Variants in NCOR2 observed in about 807,000 individuals in gnomAD.
The protein encoded by NCOR2 is nuclear receptor corepressor 2.
A neutral mutation model predicts 262.9 loss-of-function variants in NCOR2; 81 were observed. That is an observed-to-expected ratio of 0.31 (90% CI 0.26 to 0.37). NCOR2 has a LOEUF of 0.37. Ranked by LOEUF, NCOR2 falls within the 10% of genes least tolerant of loss-of-function variation. The pLI is 1.00. For synonymous variants in NCOR2, 1,659 were observed against 1,559.3 expected (o/e 1.06, Z -1.51); for missense variants, 3,385 against 3,621.4 (o/e 0.93, Z 1.68).
intron 4 of NCOR2, 85 bp from the exon 7 acceptor site, chr12:124,466,371 T>C: frequency 7.8e-7 from 1 of 1,282,914 alleles, no homozygotes; most frequent in East Asian, 2.5e-5. Flanking sequence ...GGAGGCCCCC[T>C]TGCAGCCCGG....
chr12:124,357,931 ATG>A (rs541876786), intron 22 of NCOR2, among the ~76,000 whole-genome samples: 321 of 114,242 alleles, frequency 2.8e-3, no homozygotes, highest in African/African-American at 0.01. Flanking sequence ...ACGTGCGTGC[ATG>A]TGTGTGTGAG....
exon 13 of NCOR2, chr12:124,419,969 G>C (rs776300262): frequency 6.2e-7 from 1 of 1,613,906 alleles, no homozygotes; most frequent in Non-Finnish European, 8.5e-7. Context: ...GGCTCTTGCC[G>C]CGGCGCCGAT....
intron 1 of NCOR2, among the ~76,000 whole-genome samples, chr12:124,516,457 A>G (rs58179607): frequency 0.091 from 13,865 of 152,240 alleles, 700 homozygotes; most frequent in African/African-American, 0.14. Context: ...CATTATCTGG[A>G]CCCAGGTTTC....
chr12:124,456,789 G>T (rs1318349696), intron 6 of NCOR2, among the ~76,000 whole-genome samples: 1 of 152,192 alleles, frequency 6.6e-6, no homozygotes, highest in Admixed American at 6.5e-5. Context: ...TGGAGCAAGC[G>T]CACCGGCCTA....
chr12:124,489,769 G>A (rs2047980390), intron 1 of NCOR2, among the ~76,000 whole-genome samples: 1 of 152,220 alleles, frequency 6.6e-6, no homozygotes, highest in Non-Finnish European at 1.5e-5. Context: ...CCCAGCTGGT[G>A]CCTTCTTGGC....
At chr12:124,383,952 G>A (rs1435644376) in intron 17 of NCOR2, among the ~76,000 whole-genome samples, 2 of 152,198 alleles carry the variant, frequency 1.3e-5, no homozygotes, top group Non-Finnish European at 2.9e-5. Context: ...AGCCTGGAAA[G>A]CCAGGCTGTG....
At position 124,548,569 on chromosome 12, in the gene NCOR2, T is replaced by C. The variant is rs2051610369; in HGVS notation, c.-164-12958A>G. Among the ~76,000 whole-genome samples the C allele has an allele frequency of 1.3e-5, 2 of 152,046 alleles. No individual in the cohort carries two copies. The highest frequency in any genetic ancestry group is 4.1e-4 in the South Asian group (2 of 4,822). On this transcript the variant is annotated intron_variant, in intron 1 of 32. Transcript: ENST00000458234. This position sits in a 1 kb window ranked among gnomAD's most constrained non-coding sequence, Gnocchi z 5.1. ...ACAGAGGGTCTCGATGGCAATGCTGTTCCCCCCCAAACATAGTTACTGTTT... is the reference window on the plus strand; with the variant it reads ...ACAGAGGGTCTCGATGGCAATGCTGCTCCCCCCCAAACATAGTTACTGTTT...
At chr12:124,388,084 AGGTGGG>A (rs1308771100) in intron 16 of NCOR2, among the ~76,000 whole-genome samples, 1 of 42,598 alleles carries the variant, frequency 2.3e-5, no homozygotes, top group Non-Finnish European at 4.5e-5. Context: ...GAGGGGATGG[AGGTGGG>A]GGTGGGGGTC....
At chr12:124,486,619 G>A (rs377682410) in intron 1 of NCOR2, 51 bp from the exon 4 acceptor site, 175 of 1,526,232 alleles carry the variant, frequency 1.1e-4, no homozygotes, top group Admixed American at 1.6e-4. Context: ...CGGGCATGGC[G>A]GGGCACGGCA....
At chr12:124,364,166 G>A (rs553549430) in intron 20 of NCOR2, among the ~76,000 whole-genome samples, 2 of 152,330 alleles carry the variant, frequency 1.3e-5, no homozygotes, top group African/African-American at 4.8e-5. Flanking sequence ...CTCCAGGCAA[G>A]GAAAATCCCA....
rs781271384 is a variant in NCOR2, at chr12:124,378,425, G to A, written c.2020-41C>T. 6.4e-7 allele frequency: 1 copy of A among 1,570,686 alleles called. No homozygotes were observed. Among genetic ancestry groups the A allele is most frequent in the Non-Finnish European group, 8.6e-7 (1 of 1,159,176 alleles). On this transcript the variant is annotated intron_variant, in intron 17 of 46. Transcript: ENST00000405201. The surrounding 1 kb of genome is among the most constrained non-coding windows in gnomAD (Gnocchi z 4.2). The stretch of plus-strand genomic sequence containing the variant: ...GCAGCAGATCAGGACTGGGGCCTGG[G>A]CTGTCAGCTCGGGGACTCCCCATGC...
intron 1 of NCOR2, among the ~76,000 whole-genome samples, chr12:124,493,396 G>A (rs1487561210): frequency 6.6e-5 from 10 of 152,342 alleles, no homozygotes; most frequent in South Asian, 2.1e-4. Flanking sequence ...CGGACAGAGC[G>A]GGCTGGCCCT....
chr12:124,348,942 G>A (rs2037182460), intron 28 of NCOR2: 1 of 153,554 alleles, frequency 6.5e-6, no homozygotes, highest in African/African-American at 2.4e-5. Flanking sequence ...GTGGGCACAT[G>A]CACGTGAGCC....
chr12:124,374,306 G>A (rs2039806319), intron 19 of NCOR2, 107 bp downstream of exon 21: 2 of 1,161,638 alleles, frequency 1.7e-6, no homozygotes. Context: ...GGCGCTCACA[G>A]AAAGAGGCAT....
intron 16 of NCOR2, among the ~76,000 whole-genome samples, chr12:124,390,954 C>T (rs1021261173): frequency 4.6e-5 from 7 of 152,254 alleles, no homozygotes; most frequent in Non-Finnish European, 7.3e-5. Flanking sequence ...CCGGCGGCCA[C>T]GGGAGTGGGT....
chr12:124,435,095 G>A (rs2044255845), intron 8 of NCOR2, among the ~76,000 whole-genome samples: 1 of 152,142 alleles, frequency 6.6e-6, no homozygotes, highest in Non-Finnish European at 1.5e-5. Context: ...GCTGGTTCCT[G>A]CCTCAGGGCC....
intron 1 of NCOR2, among the ~76,000 whole-genome samples, chr12:124,500,554 C>G (rs1384496981): frequency 2.0e-5 from 3 of 152,198 alleles, no homozygotes; most frequent in African/African-American, 7.2e-5. Flanking sequence ...GCCTGGCACA[C>G]AGTAGGTGCA....
chr12:124,415,641 G>A (rs1481571721), intron 13 of NCOR2, among the ~76,000 whole-genome samples: 2 of 152,242 alleles, frequency 1.3e-5, no homozygotes, highest in African/African-American at 4.8e-5. Context: ...TCTGAGAGAC[G>A]CAGAGCAGAC....
At position 124,422,521 on chromosome 12, in the gene NCOR2, C is replaced by A. The variant is rs151121805; in HGVS notation, c.1363G>T (p.Ala455Ser). Residue 455 changes from alanine (A) to serine (S), a missense_variant, in exon 12 of 47, where the codon GCA (alanine) becomes TCA (serine). This residue lies in a region of NCOR2 where 515 missense variants were observed against 781.2 expected (regional missense o/e 0.66). Coordinates refer to ENST00000405201, the Ensembl canonical transcript of NCOR2. ...CTCACCTTCCTCTCCAGGAATGATG[C>A]GATCAGGCCAAAGTTCTTGGGATGC... The A allele has an allele frequency of 3.7e-5, 59 of 1,614,040 alleles. No homozygotes were observed. In the East Asian group the frequency reaches 1.2e-3, roughly 34 times the overall value.
Sources: allele counts gnomAD v4.1 joint callset (sites outside exome capture counted in the v4.1 genomes callset), GRCh38; gene constraint gnomAD v4.1.1; regional missense constraint gnomAD v4.1.1; non-coding constraint Gnocchi (gnomAD v3.1); transcripts MANE v1.5; gene names NCBI Gene and HGNC (gene_info 2026-07-23, HGNC 2026-07-21).